The following SLC8A1 variants were observed in gnomAD, a reference collection of about 807,000 sequenced individuals.
The protein encoded by SLC8A1 is sodium/calcium exchanger 1.
In SLC8A1, 18 loss-of-function variants were observed where a neutral mutation model predicts 68.3. That is an observed-to-expected ratio of 0.26 (90% confidence interval 0.18 to 0.39). The LOEUF is 0.39. Ranked by LOEUF, SLC8A1 falls within the 10% of genes least tolerant of loss-of-function variation. SLC8A1 has a pLI of 1.00. For missense variants in SLC8A1, 985 were observed against 1,156.7 expected, an observed-to-expected ratio of 0.85 and a Z score of 2.15; for synonymous variants, 475 against 415.5, an observed-to-expected ratio of 1.14 and a Z score of -1.74.
At chr2:40,341,812 A>G (rs1008802382) in intron 2 of SLC8A1, among the ~76,000 whole-genome samples, 1 of 152,170 alleles carries the variant, frequency 6.6e-6, no homozygotes, top group African/African-American at 2.4e-5. Flanking sequence ...TGATAGTGAT[A>G]ATGGGTCAAA....
At chr2:40,233,144 T>C (rs77366549) in intron 2 of SLC8A1, among the ~76,000 whole-genome samples, 19,003 of 152,132 alleles carry the variant, frequency 0.12, 1,278 homozygotes, top group Non-Finnish European at 0.14. Flanking sequence ...AAATGGTGTT[T>C]CCAGTTCTAG....
At chr2:40,483,564 T>A (rs1446197327) in intron 1 of SLC8A1, among the ~76,000 whole-genome samples, 1 of 152,210 alleles carries the variant, frequency 6.6e-6, no homozygotes, top group Admixed American at 6.5e-5. Flanking sequence ...AATTCTCTAG[T>A]CCAGTATTTT....
intron 2 of SLC8A1, among the ~76,000 whole-genome samples, chr2:40,331,386 A>G (rs568663876): frequency 1.8e-4 from 28 of 152,256 alleles, no homozygotes; most frequent in East Asian, 5.8e-4. Context: ...AATGCCTACT[A>G]TATTTGGTAC....
chr2:40,479,963 T>G (rs1040326279), intron 1 of SLC8A1, among the ~76,000 whole-genome samples: 6 of 152,144 alleles, frequency 3.9e-5, no homozygotes, highest in Non-Finnish European at 7.3e-5. Flanking sequence ...GATATAGTTA[T>G]GAAAACTAAC....
At chr2:40,469,493 T>G (rs1703885245) in intron 1 of SLC8A1, among the ~76,000 whole-genome samples, 1 of 152,198 alleles carries the variant, frequency 6.6e-6, no homozygotes, top group South Asian at 2.1e-4. Context: ...AAACCTGTTT[T>G]CTTCATAAAT....
At chr2:40,473,879 T>A (rs964525128) in intron 1 of SLC8A1, among the ~76,000 whole-genome samples, 1 of 152,206 alleles carries the variant, frequency 6.6e-6, no homozygotes, top group African/African-American at 2.4e-5. Context: ...TTCTTCCACT[T>A]TGAAAAATAG....
chr2:40,397,372 T>C (rs1280010883), intron 2 of SLC8A1, among the ~76,000 whole-genome samples: 1 of 152,188 alleles, frequency 6.6e-6, no homozygotes, highest in African/African-American at 2.4e-5. Context: ...CAACATGGAA[T>C]AATTGGCTTG....
At position 40,338,884 on chromosome 2, in the gene SLC8A1, GAAC is replaced by G. The variant is rs1039516780; in HGVS notation, c.1808+89586_1808+89588del. Among the ~76,000 whole-genome samples, 79 of 145,538 alleles carry G rather than the reference GAAC, an allele frequency of 5.4e-4. 1 individual carries two copies. Among genetic ancestry groups the G allele is most frequent in the Non-Finnish European group, 5.3e-4 (36 of 67,518 alleles). ...AAACAGCGTGCTGTATCTTATATGAGAACAACTAAACTAAAAATCAGAAATTAA... is the reference window on the plus strand; with the variant it reads ...AAACAGCGTGCTGTATCTTATATGAGAACTAAACTAAAAATCAGAAATTAA... On this transcript the variant is annotated intron_variant, in intron 2 of 7. Transcript: ENST00000406785.
rs563324224 is a variant in SLC8A1, at chr2:40,286,689, G to T, written c.1809-108834C>A. ...ACTTTCTCCATGGTCCGGAGCTGAT[G>T]GACAGCTATATTCACACACACTCTT... On this transcript the variant is annotated intron_variant, in intron 2 of 7. Coordinates refer to ENST00000406785, the Ensembl canonical transcript of SLC8A1. 2.0e-4 allele frequency among the ~76,000 whole-genome samples: 31 copies of T among 152,218 alleles called. No homozygotes were observed. In the South Asian group the frequency reaches 5.6e-3, roughly 28 times the overall value.
At chr2:40,147,086 G>A (rs770870033) in intron 6 of SLC8A1, among the ~76,000 whole-genome samples, 9 of 152,100 alleles carry the variant, frequency 5.9e-5, no homozygotes, top group Non-Finnish European at 1.0e-4. Context: ...AATATTTAAC[G>A]TGACAGAAAT....
At chr2:40,176,542 G>T (rs192579966) in intron 3 of SLC8A1, among the ~76,000 whole-genome samples, 1 of 152,058 alleles carries the variant, frequency 6.6e-6, no homozygotes, top group East Asian at 1.9e-4. Context: ...ATTAAAATAG[G>T]CCTTGAGTGC....
intron 2 of SLC8A1, among the ~76,000 whole-genome samples, chr2:40,342,922 T>C (rs900991143): frequency 2.0e-5 from 3 of 152,140 alleles, no homozygotes; most frequent in African/African-American, 7.2e-5. Flanking sequence ...CTGGGTAAAA[T>C]GTGTCTGCAC....
intron 4 of SLC8A1, among the ~76,000 whole-genome samples, chr2:40,172,814 T>G (rs1001453729): frequency 7.9e-5 from 12 of 151,982 alleles, no homozygotes; most frequent in Non-Finnish European, 4.4e-5. Flanking sequence ...TGGTGGCACG[T>G]GCCTGTAGTC....
intron 6 of SLC8A1, among the ~76,000 whole-genome samples, chr2:40,149,108 G>C (rs1050529134): frequency 6.6e-6 from 1 of 152,140 alleles, no homozygotes; most frequent in Admixed American, 6.5e-5. Flanking sequence ...CTGTAGGTTT[G>C]AACTCTAAAA....
chr2:40,176,783 T>A (rs904837792), intron 3 of SLC8A1, among the ~76,000 whole-genome samples: 6 of 152,212 alleles, frequency 3.9e-5, no homozygotes, highest in African/African-American at 1.4e-4. Flanking sequence ...TATATCATAC[T>A]GCTCTCACCA....
At chr2:40,437,405 C>A (rs902514305) in intron 1 of SLC8A1, among the ~76,000 whole-genome samples, 1 of 152,028 alleles carries the variant, frequency 6.6e-6, no homozygotes, top group African/African-American at 2.4e-5. Context: ...CACTTCTATT[C>A]GTCACATAGC....
chr2:40,387,255 C>T (rs944874635), intron 2 of SLC8A1, among the ~76,000 whole-genome samples: 1 of 151,318 alleles, frequency 6.6e-6, no homozygotes, highest in African/African-American at 2.5e-5. Context: ...TGTGTGCCTT[C>T]TCTCTAGAGA....
intron 2 of SLC8A1, among the ~76,000 whole-genome samples, chr2:40,183,170 C>T (rs2049968713): frequency 6.6e-6 from 1 of 152,138 alleles, no homozygotes; most frequent in Admixed American, 6.5e-5. Context: ...TTGGTAACTT[C>T]CAAGGTCACA....
exon 8 of SLC8A1, chr2:40,113,703 C>A (rs1209351546): frequency 6.6e-6 from 1 of 152,638 alleles, no homozygotes; most frequent in African/African-American, 2.4e-5. Context: ...CCAGACAGTG[C>A]AGATGTGAAA....
Sources: allele counts gnomAD v4.1 joint callset (sites outside exome capture counted in the v4.1 genomes callset), GRCh38; gene constraint gnomAD v4.1.1; transcripts MANE v1.5; gene names NCBI Gene and HGNC (gene_info 2026-07-23, HGNC 2026-07-21).